Variants in PTPRM observed in about 807,000 individuals in gnomAD.
PTPRM encodes protein tyrosine phosphatase receptor type M.
PTPRM carries 47 observed loss-of-function variants against 186.7 expected under a neutral mutation model. The ratio of observed to expected loss-of-function variants is 0.25; its 90% CI spans 0.20 to 0.32. The LOEUF (loss-of-function observed/expected upper bound fraction) is 0.32, where lower values mean the gene tolerates loss of function less well. PTPRM is among the 10% of genes least tolerant of loss of function. The pLI is 1.00. For missense variants in PTPRM, 1,494 were observed against 1,865.0 expected (o/e 0.80, Z 3.66); for synonymous variants, 668 against 674.9 (o/e 0.99, Z 0.16).
chr18:8,050,157 A>T (rs1262298625), intron 7 of PTPRM, among the ~76,000 whole-genome samples: 1 of 152,200 alleles, frequency 6.6e-6, no homozygotes, highest in African/African-American at 2.4e-5. Flanking sequence ...CTGAACAGAG[A>T]TATTAATTTT....
At chr18:8,354,515 A>C (rs1178741113) in intron 23 of PTPRM, among the ~76,000 whole-genome samples, 1 of 152,232 alleles carries the variant, frequency 6.6e-6, no homozygotes, top group Non-Finnish European at 1.5e-5. Context: ...AGCAAGGTAG[A>C]GAGAAAGAAT....
intron 3 of PTPRM, among the ~76,000 whole-genome samples, chr18:7,897,230 G>A (rs1335143684): frequency 6.6e-6 from 1 of 152,188 alleles, no homozygotes; most frequent in Non-Finnish European, 1.5e-5. Context: ...TGCCCAGCTG[G>A]AGCCAGAATT....
At chr18:7,944,410 G>A (rs2052383016) in intron 5 of PTPRM, among the ~76,000 whole-genome samples, 1 of 152,110 alleles carries the variant, frequency 6.6e-6, no homozygotes, top group African/African-American at 2.4e-5. Context: ...GACATCAGTT[G>A]GACTCACACC....
At chr18:7,772,730 T>A (rs1208560450) in intron 1 of PTPRM, among the ~76,000 whole-genome samples, 1 of 152,096 alleles carries the variant, frequency 6.6e-6, no homozygotes, top group Non-Finnish European at 1.5e-5. Flanking sequence ...CATCTGTTTT[T>A]GCTCTGAGGT....
chr18:7,618,799 C>T (rs749250210), intron 1 of PTPRM, among the ~76,000 whole-genome samples: 4 of 152,146 alleles, frequency 2.6e-5, no homozygotes, highest in Admixed American at 2.0e-4. Context: ...TCTGCAGAGG[C>T]GATAGCTCTG....
chr18:8,136,617 G>A (rs2092645433), intron 13 of PTPRM, among the ~76,000 whole-genome samples: 1 of 152,172 alleles, frequency 6.6e-6, no homozygotes, highest in South Asian at 2.1e-4. Flanking sequence ...CAGAAGAAGA[G>A]TTATAAATTC....
chr18:8,361,628 A>G, intron 23 of PTPRM, among the ~76,000 whole-genome samples: 1 of 152,244 alleles, frequency 6.6e-6, no homozygotes, highest in East Asian at 1.9e-4. Context: ...AAAGAACCAC[A>G]TTCTAGAATC....
intron 14 of PTPRM, among the ~76,000 whole-genome samples, chr18:8,179,555 C>T (rs189480481): frequency 2.7e-4 from 41 of 151,822 alleles, no homozygotes; most frequent in African/African-American, 9.4e-4. Context: ...CTGCAACCTC[C>T]GCCTCCCAGG....
At chr18:7,675,612 T>TG (rs2039315651) in intron 1 of PTPRM, among the ~76,000 whole-genome samples, 1 of 152,186 alleles carries the variant, frequency 6.6e-6, no homozygotes. Flanking sequence ...CTCACTTGGT[T>TG]GGGTTCTGCT....
chr18:8,053,256 T>A (rs2087642365), intron 7 of PTPRM, among the ~76,000 whole-genome samples: 1 of 152,216 alleles, frequency 6.6e-6, no homozygotes, highest in Non-Finnish European at 1.5e-5. Flanking sequence ...TTAATTTTAG[T>A]GTAGCATAAA....
chr18:8,322,441 GCCACTAATATATGATGA>G (rs2095351477), intron 22 of PTPRM, among the ~76,000 whole-genome samples: 2 of 151,886 alleles, frequency 1.3e-5, no homozygotes, highest in East Asian at 3.8e-4. Flanking sequence ...CTTCTGTCTG[GCCACTAATATATGATGA>G]CCCAATATTA....
intron 19 of PTPRM, among the ~76,000 whole-genome samples, chr18:8,257,951 G>T (rs980612493): frequency 4.6e-5 from 7 of 152,214 alleles, no homozygotes; most frequent in African/African-American, 1.7e-4. Context: ...ATGTGGTGGG[G>T]ATGAGATGGA....
chr18:8,011,133 A>C (rs2147865648), intron 7 of PTPRM, among the ~76,000 whole-genome samples: 1 of 152,338 alleles, frequency 6.6e-6, no homozygotes, highest in South Asian at 2.1e-4. Context: ...GCTTTCCCAA[A>C]AGAGGGACTG....
intron 20 of PTPRM, among the ~76,000 whole-genome samples, chr18:8,312,964 TG>T (rs2148017014): frequency 6.6e-6 from 1 of 152,314 alleles, no homozygotes; most frequent in East Asian, 1.9e-4. Flanking sequence ...CCTGTGCTGT[TG>T]ACAACAAACA....
At chr18:7,597,129 G>T (rs753714488) in intron 1 of PTPRM, among the ~76,000 whole-genome samples, 1 of 152,124 alleles carries the variant, frequency 6.6e-6, no homozygotes, top group African/African-American at 2.4e-5. Context: ...TGCTGGGATT[G>T]TTGAGCCACT....
At chr18:8,193,859 C>G (rs2093740705) in intron 14 of PTPRM, among the ~76,000 whole-genome samples, 1 of 152,250 alleles carries the variant, frequency 6.6e-6, no homozygotes, top group Admixed American at 6.5e-5. Flanking sequence ...GGCCTGTCTT[C>G]TTAAAGTACT....
At chr18:7,776,854 G>A (rs1301999409) in intron 2 of PTPRM, among the ~76,000 whole-genome samples, 1 of 152,184 alleles carries the variant, frequency 6.6e-6, no homozygotes, top group African/African-American at 2.4e-5. Flanking sequence ...TGTTAGAAGT[G>A]AGGAAACAGC....
At chr18:8,149,455 C>G (rs1047151288) in intron 14 of PTPRM, among the ~76,000 whole-genome samples, 2 of 152,088 alleles carry the variant, frequency 1.3e-5, no homozygotes, top group African/African-American at 4.8e-5. Context: ...TCTGTTTTAT[C>G]AGAGACTAGG....
At chr18:7,739,930 A>G (rs540544997) in intron 1 of PTPRM, among the ~76,000 whole-genome samples, 1 of 150,908 alleles carries the variant, frequency 6.6e-6, no homozygotes, top group South Asian at 2.1e-4. Flanking sequence ...TATTGACGTG[A>G]AAAAATGTCT....
Sources: gnomAD v4.1 joint callset for allele counts (sites outside exome capture counted in the v4.1 genomes callset) on GRCh38, gnomAD v4.1.1 for gene constraint, MANE v1.5 for transcripts, NCBI Gene and HGNC (gene_info 2026-07-23, HGNC 2026-07-21) for gene names.